The following NRXN3 variants were observed in gnomAD, a reference collection of about 807,000 sequenced individuals.
NRXN3 encodes neurexin 3.
In NRXN3, 32 loss-of-function variants were observed where a neutral mutation model predicts 137.6. The ratio of observed to expected loss-of-function variants is 0.23; its 90% CI spans 0.18 to 0.31. The LOEUF (loss-of-function observed/expected upper bound fraction) is 0.31. Among genes scored for constraint, NRXN3 ranks in the 10% least tolerant of loss-of-function variants. NRXN3 has a pLI of 1.00. For missense variants in NRXN3, 1,574 were observed against 2,062.5 expected, an observed-to-expected ratio of 0.76 and a Z score of 4.59; for synonymous variants, 798 against 784.5, an observed-to-expected ratio of 1.02 and a Z score of -0.29.
intron 6 of NRXN3, among the ~76,000 whole-genome samples, chr14:78,665,659 G>A (rs1028066373): frequency 3.3e-5 from 5 of 152,144 alleles, no homozygotes; most frequent in Non-Finnish European, 5.9e-5. Context: ...GATGAAAGTA[G>A]CACTCAGTTA....
intron 15 of NRXN3, among the ~76,000 whole-genome samples, chr14:79,046,430 T>C (rs1256551671): frequency 2.0e-5 from 3 of 152,314 alleles, no homozygotes; most frequent in East Asian, 3.9e-4. Context: ...AAGATTATGG[T>C]CTTCAAGACT....
At chr14:79,231,225 T>G (rs1020228420) in intron 15 of NRXN3, among the ~76,000 whole-genome samples, 1 of 152,186 alleles carries the variant, frequency 6.6e-6, no homozygotes, top group Non-Finnish European at 1.5e-5. Context: ...GGTAAAATGT[T>G]ACCCTGAGGC....
chr14:78,971,924 T>A (rs2099442641), intron 14 of NRXN3, among the ~76,000 whole-genome samples: 1 of 152,118 alleles, frequency 6.6e-6, no homozygotes, highest in Non-Finnish European at 1.5e-5. Flanking sequence ...TTTAAAAACT[T>A]GCTAATTTAG....
intron 15 of NRXN3, among the ~76,000 whole-genome samples, chr14:79,450,113 CCTCTCT>C (rs897400684): frequency 6.6e-6 from 1 of 151,342 alleles, no homozygotes; most frequent in East Asian, 1.9e-4. Context: ...ATACTCACTC[CCTCTCT>C]CTCTCTAAGT....
At chr14:78,340,735 T>A (rs1304135992) in intron 4 of NRXN3, among the ~76,000 whole-genome samples, 1 of 152,182 alleles carries the variant, frequency 6.6e-6, no homozygotes, top group Non-Finnish European at 1.5e-5. Context: ...GACCTGTAAC[T>A]GACACAGCAT....
chr14:79,737,202 C>G (rs1300139441), intron 19 of NRXN3, among the ~76,000 whole-genome samples: 1 of 152,130 alleles, frequency 6.6e-6, no homozygotes. Flanking sequence ...CTGGTGGGTC[C>G]CCGATTATTG....
intron 15 of NRXN3, among the ~76,000 whole-genome samples, chr14:79,060,113 G>T (rs1180421136): frequency 6.6e-6 from 1 of 152,202 alleles, no homozygotes; most frequent in African/African-American, 2.4e-5. Flanking sequence ...GTGGAACCAG[G>T]TAGTCTGAAA....
Position 78,645,169 on chromosome 14 carries a change from C to T in NRXN3, c.807C>T (p.Tyr269=). The change falls in exon 5 of 21, where the codon TAC becomes TAT. Residue 269 remains tyrosine, a synonymous_variant. Transcript: ENST00000335750. ...TCCGAGGCTCAGAGTATCTGTGCTACGACCTGTCTCAGAACCCGATCCAGA... is the reference window on the plus strand; with the variant it reads ...TCCGAGGCTCAGAGTATCTGTGCTATGACCTGTCTCAGAACCCGATCCAGA... ...ATFRGSEYLC[Y]DLSQNPIQSS... is the part of the protein sequence containing the mutation. 4.4e-6 allele frequency: 7 copies of T among 1,589,812 alleles called. No individual in the cohort carries two copies. The highest frequency in any genetic ancestry group is 6.0e-6 in the Non-Finnish European group (7 of 1,175,426).
At chr14:79,184,522 A>G (rs1390936277) in intron 15 of NRXN3, among the ~76,000 whole-genome samples, 1 of 152,162 alleles carries the variant, frequency 6.6e-6, no homozygotes, top group East Asian at 1.9e-4. Context: ...AAACCAAAGT[A>G]TAATCACAAA....
chr14:78,215,151 G>C (rs147430030), intron 1 of NRXN3, among the ~76,000 whole-genome samples: 1 of 152,294 alleles, frequency 6.6e-6, no homozygotes, highest in African/African-American at 2.4e-5. Context: ...GATGGGGGTG[G>C]ATGGGGGTAC....
At chr14:79,324,485 A>T (rs147852512) in intron 15 of NRXN3, among the ~76,000 whole-genome samples, 3 of 152,204 alleles carry the variant, frequency 2.0e-5, no homozygotes, top group Non-Finnish European at 4.4e-5. Flanking sequence ...TATACCATGC[A>T]TTCTGGATCA....
intron 19 of NRXN3, among the ~76,000 whole-genome samples, chr14:79,754,796 T>C (rs1414652217): frequency 6.6e-6 from 1 of 151,782 alleles, no homozygotes; most frequent in African/African-American, 2.4e-5. Context: ...CGGGAGGTGA[T>C]TGGATTATGG....
chr14:79,773,020 T>A (rs534319557), intron 19 of NRXN3, among the ~76,000 whole-genome samples: 9 of 151,882 alleles, frequency 5.9e-5, no homozygotes, highest in Admixed American at 5.9e-4. Context: ...AAAAAACACA[T>A]GAAAAAATGC....
intron 20 of NRXN3, among the ~76,000 whole-genome samples, chr14:79,842,408 G>A (rs917675281): frequency 2.0e-5 from 3 of 152,146 alleles, no homozygotes; most frequent in Non-Finnish European, 4.4e-5. Context: ...GGCAAGGGAT[G>A]TTCCTGGAAG....
chr14:79,166,630 A>C (rs147090238), intron 15 of NRXN3, among the ~76,000 whole-genome samples: 47 of 151,454 alleles, frequency 3.1e-4, no homozygotes, highest in African/African-American at 1.0e-3. Flanking sequence ...TAGTGCTGAG[A>C]CCCAAGGATT....
At chr14:78,368,724 T>C (rs576233556) in intron 4 of NRXN3, among the ~76,000 whole-genome samples, 1 of 152,140 alleles carries the variant, frequency 6.6e-6, no homozygotes, top group Non-Finnish European at 1.5e-5. Flanking sequence ...AAACTGGAGA[T>C]GTAAAAATTC....
At chr14:79,026,190 T>G (rs565667105) in intron 15 of NRXN3, among the ~76,000 whole-genome samples, 32 of 152,272 alleles carry the variant, frequency 2.1e-4, no homozygotes, top group African/African-American at 7.7e-4. Flanking sequence ...AATGAATAGA[T>G]TTTTATATTC....
At chr14:78,943,610 TAAAAA>T (rs754141401) in intron 10 of NRXN3, among the ~76,000 whole-genome samples, 396 of 28,716 alleles carry the variant, frequency 0.014, 6 homozygotes, top group Admixed American at 0.024. Context: ...AGATCACTGT[TAAAAA>T]AAAAAAATAT....
chr14:79,271,439 C>T (rs867549609), intron 15 of NRXN3, among the ~76,000 whole-genome samples: 1 of 146,728 alleles, frequency 6.8e-6, no homozygotes, highest in African/African-American at 2.5e-5. Context: ...TTTCCTTTCC[C>T]CTTTTTTTCC....
Sources: gnomAD v4.1 joint callset for allele counts (sites outside exome capture counted in the v4.1 genomes callset) on GRCh38, gnomAD v4.1.1 for gene constraint, MANE v1.5 for transcripts, NCBI Gene and HGNC (gene_info 2026-07-23, HGNC 2026-07-21) for gene names.